EHBP1: variants seen among roughly 807,000 people sequenced by gnomAD.
EHBP1 encodes EH domain binding protein 1, also known as EH domain-binding protein 1.
In EHBP1, 55 loss-of-function variants were observed where a neutral mutation model predicts 144.0. That is an observed-to-expected ratio of 0.38 (90% CI 0.31 to 0.48). The LOEUF is 0.48. Ranked by LOEUF, EHBP1 falls within the 20% of genes least tolerant of loss-of-function variation. The pLI is 0.98. For synonymous variants in EHBP1, 469 were observed against 472.7 expected (o/e 0.99, Z 0.10); for missense variants, 1,200 against 1,364.2 (o/e 0.88, Z 1.90).
At chr2:62,910,169 G>T (rs2054106769) in intron 10 of EHBP1, among the ~76,000 whole-genome samples, 1 of 152,170 alleles carries the variant, frequency 6.6e-6, no homozygotes, top group South Asian at 2.1e-4. Flanking sequence ...ATTGGAAGAG[G>T]AATGAAATTG....
At chr2:62,969,359 T>G (rs543755840) in intron 14 of EHBP1, among the ~76,000 whole-genome samples, 26 of 152,276 alleles carry the variant, frequency 1.7e-4, no homozygotes, top group African/African-American at 5.1e-4. Flanking sequence ...TTAGGATTCT[T>G]TATTTGTATA....
intron 2 of EHBP1, among the ~76,000 whole-genome samples, chr2:62,709,863 A>G (rs1156273041): frequency 1.3e-5 from 2 of 152,156 alleles, no homozygotes; most frequent in Admixed American, 6.5e-5. Flanking sequence ...AACTTAGATC[A>G]GGAACAAAAA....
At chr2:63,007,354 A>G (rs2060084778) in intron 19 of EHBP1, among the ~76,000 whole-genome samples, 2 of 151,886 alleles carry the variant, frequency 1.3e-5, no homozygotes, top group Non-Finnish European at 2.9e-5. Flanking sequence ...ATAAAAATTT[A>G]GCAGGTTGCT....
At chr2:62,699,119 G>A (rs754045819) in intron 1 of EHBP1, among the ~76,000 whole-genome samples, 4 of 152,176 alleles carry the variant, frequency 2.6e-5, no homozygotes, top group Non-Finnish European at 5.9e-5. Flanking sequence ...TTCCTGTCTA[G>A]CCTTATTATT....
intron 5 of EHBP1, 126 bp from the exon 6 acceptor site, chr2:62,825,961 G>A: frequency 1.7e-6 from 1 of 592,368 alleles, no homozygotes; most frequent in Non-Finnish European, 2.7e-6. Context: ...GTTATTGTGT[G>A]ATAGGAATGT....
At chr2:62,946,953 A>G (rs1012027036) in intron 12 of EHBP1, among the ~76,000 whole-genome samples, 2 of 152,220 alleles carry the variant, frequency 1.3e-5, no homozygotes, top group Non-Finnish European at 2.9e-5. Flanking sequence ...TTCCTGTGAC[A>G]TCTGATCTTA....
intron 4 of EHBP1, among the ~76,000 whole-genome samples, chr2:62,770,987 A>G (rs1164215910): frequency 6.6e-6 from 1 of 152,096 alleles, no homozygotes; most frequent in Non-Finnish European, 1.5e-5. Flanking sequence ...GGAACAACAG[A>G]CACTGCGGCC....
At chr2:62,756,594 A>AC (rs1452899464) in intron 3 of EHBP1, among the ~76,000 whole-genome samples, 1 of 152,096 alleles carries the variant, frequency 6.6e-6, no homozygotes, top group Non-Finnish European at 1.5e-5. Flanking sequence ...ACATGGTGAA[A>AC]CCTCATCTCT....
chr2:62,811,233 G>A (rs1253464095), intron 5 of EHBP1, among the ~76,000 whole-genome samples: 2 of 152,140 alleles, frequency 1.3e-5, no homozygotes, highest in African/African-American at 4.8e-5. Flanking sequence ...AGCTGATATG[G>A]TTTCTAATTA....
chr2:63,013,948 C>T (rs1293246435), intron 19 of EHBP1, among the ~76,000 whole-genome samples: 3 of 152,208 alleles, frequency 2.0e-5, no homozygotes, highest in Non-Finnish European at 4.4e-5. Context: ...ACTCTTCTAA[C>T]AAGAGATGCT....
chr2:63,003,034 G>A (rs1482611923), intron 19 of EHBP1, among the ~76,000 whole-genome samples: 1 of 151,692 alleles, frequency 6.6e-6, no homozygotes, highest in South Asian at 2.1e-4. Context: ...TTATAATTAC[G>A]AATTTGGTCC....
chr2:62,809,927 CCTTT>C (rs1430933617), intron 5 of EHBP1, among the ~76,000 whole-genome samples: 2 of 152,064 alleles, frequency 1.3e-5, no homozygotes, highest in Non-Finnish European at 2.9e-5. Flanking sequence ...ACTGTACCAC[CCTTT>C]CTAAGAGTGA....
intron 19 of EHBP1, among the ~76,000 whole-genome samples, chr2:63,024,081 C>T (rs1268240723): frequency 6.6e-6 from 1 of 152,064 alleles, no homozygotes. Context: ...CGCGGTGGCT[C>T]ACACCTGTAA....
At chr2:62,751,387 A>G (rs574975398) in intron 3 of EHBP1, among the ~76,000 whole-genome samples, 2 of 152,292 alleles carry the variant, frequency 1.3e-5, no homozygotes, top group Non-Finnish European at 2.9e-5. Flanking sequence ...TTGGTTTGCC[A>G]GTATTTTATT....
intron 5 of EHBP1, among the ~76,000 whole-genome samples, chr2:62,773,412 A>G (rs1258624460): frequency 6.6e-6 from 1 of 152,134 alleles, no homozygotes; most frequent in Non-Finnish European, 1.5e-5. Flanking sequence ...AACGAGGGAA[A>G]AGTTTTATTT....
At chr2:62,746,309 A>C (rs1225879945) in intron 2 of EHBP1, among the ~76,000 whole-genome samples, 1 of 151,570 alleles carries the variant, frequency 6.6e-6, no homozygotes, top group Non-Finnish European at 1.5e-5. Context: ...CATTGGTATA[A>C]CTCTCTCTAG....
At chr2:62,744,514 G>T (rs999777113) in intron 2 of EHBP1, among the ~76,000 whole-genome samples, 1 of 152,014 alleles carries the variant, frequency 6.6e-6, no homozygotes, top group Non-Finnish European at 1.5e-5. Context: ...CTTTATTTTA[G>T]AACACTGCCT....
chr2:62,837,985 C>A (rs1262638534), intron 7 of EHBP1, among the ~76,000 whole-genome samples: 2 of 147,488 alleles, frequency 1.4e-5, no homozygotes, highest in African/African-American at 2.5e-5. Flanking sequence ...CTGCACCAAG[C>A]GGACCTAATA....
chr2:62,852,847 G>T (rs2048776711), intron 7 of EHBP1, among the ~76,000 whole-genome samples: 1 of 152,074 alleles, frequency 6.6e-6, no homozygotes, highest in Admixed American at 6.5e-5. Context: ...TGAGAAATTA[G>T]CTAGGTTACC....
Sources: gnomAD v4.1 joint callset for allele counts (sites outside exome capture counted in the v4.1 genomes callset) on GRCh38, gnomAD v4.1.1 for gene constraint, MANE v1.5 for transcripts, NCBI Gene and HGNC (gene_info 2026-07-23, HGNC 2026-07-21) for gene names.